The following PDE1C variants were observed in gnomAD, a reference collection of about 807,000 sequenced individuals.
PDE1C encodes the protein dual specificity calcium/calmodulin-dependent 3',5'-cyclic nucleotide phosphodiesterase 1C.
A neutral mutation model predicts 93.1 loss-of-function variants in PDE1C; 62 were observed. The ratio of observed to expected loss-of-function variants is 0.67; its 90% CI spans 0.54 to 0.82. The LOEUF (loss-of-function observed/expected upper bound fraction) is 0.82. Among genes scored for constraint, PDE1C ranks in the 40% least tolerant of loss-of-function variants. The pLI is 0.00. For synonymous variants in PDE1C, 325 were observed against 310.1 expected, an observed-to-expected ratio of 1.05 and a Z score of -0.50; for missense variants, 742 against 884.6, an observed-to-expected ratio of 0.84 and a Z score of 2.04.
chr7:31,642,101 C>A, the PDE1C span: 1 of 1,009,932 alleles, frequency 9.9e-7, no homozygotes, highest in Non-Finnish European at 1.5e-6. Context: ...TGTCAGGCAC[C>A]TAGAGGGGTT....
the PDE1C span, among the ~76,000 whole-genome samples, chr7:31,709,601 C>T: frequency 6.6e-6 from 1 of 151,966 alleles, no homozygotes; most frequent in African/African-American, 2.4e-5. Flanking sequence ...ACTGAAAGAC[C>T]GGACTTTGTA....
At chr7:32,013,693 A>G (rs1316742220) in intron 2 of PDE1C, among the ~76,000 whole-genome samples, 1 of 152,240 alleles carries the variant, frequency 6.6e-6, no homozygotes, top group Non-Finnish European at 1.5e-5. Context: ...TAAGCACGCC[A>G]GGGCAAATAT....
chr7:32,046,655 G>A (rs1792611200), intron 2 of PDE1C, among the ~76,000 whole-genome samples: 1 of 152,072 alleles, frequency 6.6e-6, no homozygotes, highest in East Asian at 1.9e-4. Context: ...AAAGTACTGT[G>A]CATGTGACTA....
chr7:31,879,048 G>A lies in PDE1C; in HGVS notation c.373C>T (p.Pro125Ser). Residue 125 changes from proline (P) to serine (S), a missense_variant, in exon 4 of 18, where the codon CCC becomes TCC. By Grantham distance (74) the Pro-to-Ser change is moderately conservative. Around this residue, in one of 4 missense-constraint regions of PDE1C, gnomAD observed 205 missense variants for 295.3 expected, o/e 0.69. Transcript: ENST00000396191. ...GCGTGAACGATGCTCTTGAACCGGG[G>A]CTTCTCGTCGCTCCTCCTGAGCATC... is the stretch of plus-strand genomic sequence containing the variant. ...GMMLRRSDEK[P>S]RFKSIVHAVQ... is the part of the protein sequence containing the mutation. 20 of 1,614,144 alleles carry A rather than the reference G, an allele frequency of 1.2e-5. No homozygotes were observed. Among genetic ancestry groups the A allele is most frequent in the Non-Finnish European group, 1.7e-5 (20 of 1,179,998 alleles).
chr7:32,384,359 A>T (rs1462877865), intron 1 of PDE1C, among the ~76,000 whole-genome samples: 1 of 152,238 alleles, frequency 6.6e-6, no homozygotes, highest in Non-Finnish European at 1.5e-5. Context: ...ATATATTTTG[A>T]GAAAGTAAAC....
At chr7:32,262,962 A>T (rs1398311788) in intron 1 of PDE1C, among the ~76,000 whole-genome samples, 4 of 152,198 alleles carry the variant, frequency 2.6e-5, no homozygotes, top group Non-Finnish European at 4.4e-5. Context: ...CAAAATTTAG[A>T]TTCTTGGTTT....
intron 7 of PDE1C, among the ~76,000 whole-genome samples, chr7:31,864,337 T>C (rs113751310): frequency 1.3e-5 from 2 of 152,242 alleles, no homozygotes; most frequent in African/African-American, 4.8e-5. Flanking sequence ...GCCTGGGTGA[T>C]AGACTGAGAT....
the PDE1C span, among the ~76,000 whole-genome samples, chr7:31,649,667 A>G: frequency 6.6e-6 from 1 of 152,204 alleles, no homozygotes; most frequent in African/African-American, 2.4e-5. Flanking sequence ...CCTAACAAGC[A>G]TTAATATTAC....
chr7:31,873,445 C>A (rs1796174574), intron 5 of PDE1C, 37 bp from the exon 6 acceptor site: 6 of 1,295,372 alleles, frequency 4.6e-6, no homozygotes, highest in Admixed American at 1.7e-5. Flanking sequence ...CACATTAGCC[C>A]ACAGACACTT....
intron 1 of PDE1C, among the ~76,000 whole-genome samples, chr7:32,067,045 T>C (rs139660112): frequency 6.6e-6 from 1 of 152,278 alleles, no homozygotes; most frequent in Non-Finnish European, 1.5e-5. Flanking sequence ...CTCTGAGCGT[T>C]AGTGTGCAGA....
Position 31,950,255 on chromosome 7 carries a change from A to C in PDE1C, c.129-69395T>G, listed in dbSNP as rs147506396. 3.7e-3 allele frequency among the ~76,000 whole-genome samples: 556 copies of C among 152,302 alleles called. 2 individuals carry two copies. Among genetic ancestry groups the C allele is most frequent in the African/African-American group, 0.012 (513 of 41,562 alleles). On this transcript the variant is annotated intron_variant, in intron 2 of 17. Transcript: ENST00000396191. Reference sequence around the variant, plus strand: ...TGTGTGTAAAGATAAAGAAGATGCAAGCTCTACTCCCAATGGGCTTATGAG... The same window carrying C: ...TGTGTGTAAAGATAAAGAAGATGCACGCTCTACTCCCAATGGGCTTATGAG...
At chr7:31,940,174 T>C (rs947068533) in intron 2 of PDE1C, among the ~76,000 whole-genome samples, 2 of 152,184 alleles carry the variant, frequency 1.3e-5, no homozygotes, top group African/African-American at 2.4e-5. Context: ...AGACAGAATT[T>C]GAACTCATAT....
intron 1 of PDE1C, among the ~76,000 whole-genome samples, chr7:32,290,284 G>A (rs1389096147): frequency 2.0e-5 from 3 of 152,202 alleles, no homozygotes; most frequent in African/African-American, 7.2e-5. Flanking sequence ...TTGCAGCCGT[G>A]CCAGAATGCT....
chr7:31,815,848 G>A (rs1788180172), intron 15 of PDE1C, 76 bp downstream of exon 15: 4 of 1,090,894 alleles, frequency 3.7e-6, no homozygotes, highest in Admixed American at 1.7e-5. Flanking sequence ...CCCATCAGTA[G>A]GGTTGTTCAC....
chr7:32,180,917 C>G (rs1193834453), intron 2 of PDE1C, among the ~76,000 whole-genome samples: 5 of 152,122 alleles, frequency 3.3e-5, no homozygotes, highest in Non-Finnish European at 7.4e-5. Flanking sequence ...CTTTTGTTAT[C>G]TGCGAGACAC....
chr7:31,823,190 C>G lies in PDE1C; in HGVS notation c.1465G>C (p.Glu489Gln). 6.2e-7 allele frequency: 1 copy of G among 1,613,278 alleles called. No individual in the cohort carries two copies. Among genetic ancestry groups the G allele is most frequent in the Non-Finnish European group, 8.5e-7 (1 of 1,179,526 alleles). ...GAATTGTTGATCGGGGCACTTCCCT[C>G]TGAACCAGAGGTCTTGACACCTGAT... ...KRSGVKTSGS[E>Q]GSAPINNSVI... Residue 489 changes from glutamate (E) to glutamine (Q), a missense_variant, in exon 14 of 18, where the codon GAG (glutamate) becomes CAG (glutamine). Coordinates refer to ENST00000396191, the MANE Select transcript of PDE1C (RefSeq NM_001191057.4).
At chr7:31,719,429 A>G in the PDE1C span, among the ~76,000 whole-genome samples, 1 of 152,254 alleles carries the variant, frequency 6.6e-6, no homozygotes, top group Non-Finnish European at 1.5e-5. Context: ...CTTTCAGGAA[A>G]TTCAAAAAAG....
chr7:31,845,263 T>G (rs1792414919), intron 9 of PDE1C, among the ~76,000 whole-genome samples: 1 of 152,174 alleles, frequency 6.6e-6, no homozygotes. Flanking sequence ...TCCTAGAGTG[T>G]GTATCTATTG....
At chr7:32,091,344 G>A (rs1255314537) in intron 3 of PDE1C, among the ~76,000 whole-genome samples, 3 of 152,162 alleles carry the variant, frequency 2.0e-5, no homozygotes, top group Non-Finnish European at 4.4e-5. Flanking sequence ...AACATAATAG[G>A]TAACCAAATA....
Sources: allele counts gnomAD v4.1 joint callset (sites outside exome capture counted in the v4.1 genomes callset), GRCh38; gene constraint gnomAD v4.1.1; regional missense constraint gnomAD v4.1.1; transcripts MANE v1.5; gene names NCBI Gene and HGNC (gene_info 2026-07-23, HGNC 2026-07-21).